Variants in GOLPH3L observed in about 807,000 individuals in gnomAD.
GOLPH3L encodes golgi phosphoprotein 3 like, also known as Golgi phosphoprotein 3-like.
In GOLPH3L, 22 loss-of-function variants were observed where a neutral mutation model predicts 30.3. The observed-to-expected ratio is 0.73, with a 90% CI of 0.52 to 1.04. The LOEUF is 1.04. GOLPH3L is among the 50% of genes least tolerant of loss of function. The probability of loss-of-function intolerance (pLI) is 0.00; values close to 1 mark genes in which losing one functional copy is unlikely to be tolerated. For missense variants in GOLPH3L, 303 were observed against 345.8 expected (o/e 0.88, Z 0.98); for synonymous variants, 120 against 128.2 (o/e 0.94, Z 0.43).
Position 150,661,914 on chromosome 1 carries a change from T to G in GOLPH3L, c.330A>C (p.Ser110=). 1.3e-6 allele frequency: 2 copies of G among 1,537,660 alleles called. No homozygotes were observed. Among genetic ancestry groups the G allele is most frequent in the Non-Finnish European group, 1.8e-6 (2 of 1,110,150 alleles). ...RLLDRKVLLK[S]DSPTGDVLLD... ...GTAAAACATCACCTGTTGGGCTGTC[T>G]GACTTTAGCAGTACCTTTGAGAAAA... Residue 110 remains serine, a synonymous_variant, in exon 4 of 5, where the codon TCA becomes TCC. Coordinates refer to ENST00000271732, the MANE Select transcript of GOLPH3L (RefSeq NM_018178.6).
intron 2 of GOLPH3L, among the ~76,000 whole-genome samples, chr1:150,669,923 C>G (rs763086981): frequency 6.6e-6 from 1 of 151,446 alleles, no homozygotes; most frequent in Non-Finnish European, 1.5e-5. Flanking sequence ...GATCACACCA[C>G]TGCACTCCAT....
chr1:150,673,087 C>G (rs1187294383), intron 2 of GOLPH3L, among the ~76,000 whole-genome samples: 2 of 151,968 alleles, frequency 1.3e-5, no homozygotes, highest in African/African-American at 4.8e-5. Context: ...AGGAAAGCAA[C>G]TGGTCATCTT....
chr1:150,657,832 C>T (rs961918549), intron 4 of GOLPH3L, among the ~76,000 whole-genome samples: 3 of 152,198 alleles, frequency 2.0e-5, no homozygotes, highest in Admixed American at 1.3e-4. Flanking sequence ...ACAGGGATTA[C>T]AGGACACCCC....
intron 2 of GOLPH3L, among the ~76,000 whole-genome samples, chr1:150,674,903 A>G (rs1211308406): frequency 6.6e-6 from 1 of 151,816 alleles, no homozygotes; most frequent in Non-Finnish European, 1.5e-5. Flanking sequence ...AAGGAAAAAA[A>G]AGAGAGAAAC....
chr1:150,690,468 C>A (rs1007762677), intron 2 of GOLPH3L, among the ~76,000 whole-genome samples: 3 of 152,060 alleles, frequency 2.0e-5, no homozygotes, highest in African/African-American at 7.2e-5. Flanking sequence ...AAAACATACT[C>A]ACAAAGAACA....
At chr1:150,666,037 G>GT (rs913958930) in intron 2 of GOLPH3L, among the ~76,000 whole-genome samples, 1 of 151,946 alleles carries the variant, frequency 6.6e-6, no homozygotes, top group Non-Finnish European at 1.5e-5. Context: ...ATTGATTGTG[G>GT]TTTTTTTGTA....
chr1:150,655,517 G>A (rs1650218815), intron 4 of GOLPH3L, among the ~76,000 whole-genome samples: 1 of 152,162 alleles, frequency 6.6e-6, no homozygotes. Flanking sequence ...TGCAAGGTTT[G>A]AAGGAACCAC....
chr1:150,648,650 T>A lies in GOLPH3L; in HGVS notation c.529A>T (p.Lys177Ter). Reference protein sequence around the residue: ...LVEKGILTTEKQNFLLFDMTT... With the variant: ...LVEKGILTTE ...ATGTCAAATAGCAGGAAATTCTGCT[T>A]CTCAGTGGTTAGAATACCTTTCTCT... Residue 177 changes from lysine to a stop codon, truncating the protein, a stop_gained, in exon 5 of 5, where the codon AAG (lysine) becomes TAG (stop). Coordinates refer to ENST00000271732, the MANE Select transcript of GOLPH3L (RefSeq NM_018178.6). LOFTEE classifies it high-confidence loss of function. 6.2e-7 allele frequency: 1 copy of A among 1,611,996 alleles called. No homozygotes were observed. The highest frequency in any genetic ancestry group is 8.5e-7 in the Non-Finnish European group (1 of 1,178,038).
chr1:150,683,530 T>TAAAAAAA (rs1557788420), intron 2 of GOLPH3L, among the ~76,000 whole-genome samples: 1 of 27,600 alleles, frequency 3.6e-5, no homozygotes, highest in African/African-American at 7.9e-5. Flanking sequence ...AGACTCTGTC[T>TAAAAAAA]CAAAAAAAAA....
At chr1:150,661,023 T>C (rs587701085) in intron 4 of GOLPH3L, among the ~76,000 whole-genome samples, 1 of 151,590 alleles carries the variant, frequency 6.6e-6, no homozygotes, top group South Asian at 2.1e-4. Flanking sequence ...AAGTCAAGAG[T>C]TCGAGACAAG....
chr1:150,672,579 T>C (rs1481313259), intron 2 of GOLPH3L, among the ~76,000 whole-genome samples: 5 of 152,118 alleles, frequency 3.3e-5, no homozygotes, highest in African/African-American at 7.2e-5. Context: ...TACAGGGGCC[T>C]GCCACCACAT....
At chr1:150,649,408 T>C (rs1356528164) in intron 4 of GOLPH3L, among the ~76,000 whole-genome samples, 7 of 152,134 alleles carry the variant, frequency 4.6e-5, no homozygotes, top group Admixed American at 4.6e-4. Context: ...GAGGACTGAC[T>C]TTATTTGGAA....
intron 2 of GOLPH3L, among the ~76,000 whole-genome samples, chr1:150,682,643 A>G (rs1003551003): frequency 6.6e-6 from 1 of 150,910 alleles, no homozygotes; most frequent in African/African-American, 2.4e-5. Flanking sequence ...AAAAAAAAAA[A>G]AAAAAAAAAG....
At chr1:150,687,415 T>G (rs1354321537) in intron 2 of GOLPH3L, among the ~76,000 whole-genome samples, 2 of 151,932 alleles carry the variant, frequency 1.3e-5, no homozygotes, top group Non-Finnish European at 2.9e-5. Flanking sequence ...CCGTTTCTAC[T>G]AAAAATACAA....
At position 150,646,604 on chromosome 1, in the gene GOLPH3L, C is replaced by A. The variant is rs587727812; in HGVS notation, c.*1717G>T. 6.6e-6 allele frequency: 1 copy of A among 151,924 alleles called. No homozygotes were observed. The highest frequency in any genetic ancestry group is 1.5e-5 in the Non-Finnish European group (1 of 68,000). 9.4% of individuals were successfully genotyped at this position (151,924 alleles called of 1,614,324 possible). A position where few individuals can be genotyped will look rare whatever the true frequency, so the allele number is the denominator to read the frequency against. On this transcript the variant is annotated 3_prime_UTR_variant, in exon 5 of 5. Coordinates refer to ENST00000271732, the MANE Select transcript of GOLPH3L (RefSeq NM_018178.6). ...TATATCTCTATTTGCCTAAGAGATA[C>A]CTAAAGTGAAAAACAAAAAAATGTT...
At chr1:150,652,826 T>G (rs1650155108) in intron 4 of GOLPH3L, among the ~76,000 whole-genome samples, 1 of 151,618 alleles carries the variant, frequency 6.6e-6, no homozygotes, top group Non-Finnish European at 1.5e-5. Flanking sequence ...GTAAGGAAAA[T>G]GACAACAGAT....
At chr1:150,687,500 G>A (rs773427828) in intron 2 of GOLPH3L, among the ~76,000 whole-genome samples, 30 of 151,864 alleles carry the variant, frequency 2.0e-4, no homozygotes, top group Non-Finnish European at 4.0e-4. Flanking sequence ...AATTGAACGC[G>A]GGAGGCAGAG....
At chr1:150,648,989 T>A (rs1241582770) in intron 4 of GOLPH3L, among the ~76,000 whole-genome samples, 2 of 152,198 alleles carry the variant, frequency 1.3e-5, no homozygotes, top group East Asian at 3.8e-4. Context: ...TTATTTCTGT[T>A]CTTATGTGAC....
At position 150,695,223 on chromosome 1, in the gene GOLPH3L, G is replaced by T. The variant is rs113715776; in HGVS notation, c.-12-373C>A. Among the ~76,000 whole-genome samples, 1,226 of 152,192 alleles carry T rather than the reference G, an allele frequency of 8.1e-3. 9 individuals carry two copies. The highest frequency in any genetic ancestry group is 0.011 in the Non-Finnish European group (733 of 68,014). On this transcript the variant is annotated intron_variant, in intron 1 of 4. Transcript: ENST00000271732. The stretch of plus-strand genomic sequence containing the variant: ...GCGATGTTGGCTCACTGCAACCTCC[G>T]CTTCCCAGGTTCAAGTGATTCTTGT...
Sources: allele counts gnomAD v4.1 joint callset (sites outside exome capture counted in the v4.1 genomes callset), GRCh38; gene constraint gnomAD v4.1.1; transcripts MANE v1.5; gene names NCBI Gene and HGNC (gene_info 2026-07-23, HGNC 2026-07-21).